Variants in SKA2 observed in about 807,000 individuals in gnomAD.
SKA2 encodes the protein spindle and kinetochore associated complex subunit 2.
A neutral mutation model predicts 16.9 loss-of-function variants in SKA2; 13 were observed. That is an observed-to-expected ratio of 0.77 (90% CI 0.50 to 1.22). The LOEUF (loss-of-function observed/expected upper bound fraction) is 1.22. Ranked by LOEUF, SKA2 falls within the 50% of genes most tolerant of loss-of-function variation. The pLI is 0.00. For missense variants in SKA2, 107 were observed against 139.7 expected, an observed-to-expected ratio of 0.77 and a Z score of 1.18; for synonymous variants, 47 against 48.5, an observed-to-expected ratio of 0.97 and a Z score of 0.13.
At chr17:59,134,839 C>T (rs1359636496) in intron 1 of SKA2, among the ~76,000 whole-genome samples, 1 of 151,746 alleles carries the variant, frequency 6.6e-6, no homozygotes, top group African/African-American at 2.4e-5. Flanking sequence ...ATATTTTTGT[C>T]ATTTATTTTT....
chr17:59,145,555 A>G (rs191919375), intron 1 of SKA2, among the ~76,000 whole-genome samples: 20 of 152,150 alleles, frequency 1.3e-4, no homozygotes, highest in Non-Finnish European at 2.2e-4. Flanking sequence ...CATAATATCT[A>G]GTATCTATTT....
In SKA2 at chr17:59,110,662, C is replaced by A. The variant is rs1475761523; in HGVS notation, c.*1615G>T. The A allele has an allele frequency of 7.2e-5, 11 of 151,902 alleles. No individual in the cohort carries two copies. Among genetic ancestry groups the A allele is most frequent in the Admixed American group, 2.0e-4 (3 of 15,206 alleles). 9.4% of individuals were successfully genotyped at this position (151,902 alleles called of 1,614,324 possible). On this transcript the variant is annotated 3_prime_UTR_variant, in exon 4 of 4. Transcript: ENST00000330137. ...AAAAATAGCCGGGCGTGGTGGCGGG[C>A]GCCTGTAATCCCAGCTACTCGGGAG...
intron 2 of SKA2, among the ~76,000 whole-genome samples, chr17:59,129,927 A>AGGAAGGAAGGAGAGAAAGAGGGAAGGAG (rs2046400072): frequency 7.5e-6 from 1 of 132,604 alleles, no homozygotes; most frequent in Non-Finnish European, 1.6e-5. Flanking sequence ...GAGGGAAGGA[A>AGGAAGGAAGGAGAGAAAGAGGGAAGGAG]GGAAGGAAGG....
At chr17:59,148,340 C>T (rs1234429674) in intron 1 of SKA2, among the ~76,000 whole-genome samples, 1 of 152,082 alleles carries the variant, frequency 6.6e-6, no homozygotes, top group Non-Finnish European at 1.5e-5. Flanking sequence ...CTTTGGAAGG[C>T]TGAGGCAGGA....
rs745609269 is a variant in SKA2 at position 59,119,374 on chromosome 17, G to A, written c.242C>T (p.Thr81Ile). 6.2e-7 allele frequency: 1 copy of A among 1,613,942 alleles called. No homozygotes were observed. Among genetic ancestry groups the A allele is most frequent in the Non-Finnish European group, 8.5e-7 (1 of 1,179,874 alleles). Residue 81 changes from threonine to isoleucine, a missense_variant, in exon 3 of 4, where the codon ACT (threonine) becomes ATT (isoleucine). Coordinates refer to ENST00000330137, the MANE Select transcript of SKA2 (RefSeq NM_182620.4). ...TATCATATTCATAGTCTTTTTCACA[G>A]TAGCACAAATGCGGCTCTTACTCTC... Reference protein sequence around the residue: ...QKESKSRICATVKKTMNMIQK... With the variant: ...QKESKSRICAIVKKTMNMIQK...
intron 1 of SKA2, among the ~76,000 whole-genome samples, chr17:59,149,429 C>G (rs1450149678): frequency 6.6e-6 from 1 of 152,022 alleles, no homozygotes; most frequent in East Asian, 1.9e-4. Context: ...TTGCTTGAGC[C>G]TAGGAGTTTG....
chr17:59,154,186 AAG>A (rs2046601610), intron 1 of SKA2, among the ~76,000 whole-genome samples: 1 of 150,960 alleles, frequency 6.6e-6, no homozygotes, highest in South Asian at 2.1e-4. Flanking sequence ...AAAAAAAAAA[AAG>A]AAAAGAAAAG....
Position 59,146,557 on chromosome 17 carries a change from A to G in SKA2, c.33+8574T>C, listed in dbSNP as rs1410309759. ...AAATATTGAACTCAAAGAATCAAGG[A>G]CTGATTCTAACTTTTAAAATGTTAT... On this transcript the variant is annotated intron_variant, in intron 1 of 3. Transcript: ENST00000330137. Among the ~76,000 whole-genome samples, 5 of 152,324 alleles carry G rather than the reference A, an allele frequency of 3.3e-5. 1 individual carries two copies. In the East Asian group the frequency reaches 9.6e-4, roughly 29 times the overall value.
intron 2 of SKA2, among the ~76,000 whole-genome samples, chr17:59,120,642 A>G (rs879527753): frequency 3.9e-5 from 6 of 152,146 alleles, no homozygotes; most frequent in Admixed American, 3.9e-4. Context: ...CATAACTGTA[A>G]ATTTTCGCAG....
intron 2 of SKA2, chr17:59,129,498 A>C (rs2046395948): frequency 6.6e-6 from 1 of 152,028 alleles, no homozygotes; most frequent in Non-Finnish European, 1.5e-5. Context: ...AAAGGAAGGA[A>C]GGGAAGGCAG....
rs2046267851 is a variant in SKA2 at position 59,112,179 on chromosome 17, C to T, written c.*98G>A. ...TTGAAGCCAAACCCCCTTCACCAGC[C>T]CCCAATCTCTAGACATCAAGGGTTA... is the stretch of plus-strand genomic sequence containing the variant. On this transcript the variant is annotated 3_prime_UTR_variant, in exon 4 of 4. Transcript: ENST00000330137. 1 of 922,152 alleles carries T rather than the reference C, an allele frequency of 1.1e-6. No individual in the cohort carries two copies. Among genetic ancestry groups the T allele is most frequent in the Non-Finnish European group, 1.7e-6 (1 of 590,096 alleles). The allele number at this position is 922,152 out of a possible 1,614,324, so 57.1% of individuals were successfully genotyped here.
At chr17:59,146,910 A>G (rs569426115) in intron 1 of SKA2, among the ~76,000 whole-genome samples, 3 of 152,158 alleles carry the variant, frequency 2.0e-5, no homozygotes, top group Non-Finnish European at 4.4e-5. Context: ...AGCTCAAGCA[A>G]TCCTCTGTCT....
chr17:59,112,505 T>C (rs2046270000), intron 3 of SKA2, among the ~76,000 whole-genome samples, 160 bp from the exon 4 acceptor site: 1 of 152,266 alleles, frequency 6.6e-6, no homozygotes, highest in African/African-American at 2.4e-5. Flanking sequence ...GATACTTGGC[T>C]ATTTATATAC....
At chr17:59,134,145 T>C (rs1468022072) in intron 1 of SKA2, among the ~76,000 whole-genome samples, 1 of 152,206 alleles carries the variant, frequency 6.6e-6, no homozygotes, top group Admixed American at 6.6e-5. Flanking sequence ...TTAGGGATTA[T>C]CTTTTCCTAT....
chr17:59,119,030 G>A (rs2046314948), intron 3 of SKA2, among the ~76,000 whole-genome samples: 1 of 152,102 alleles, frequency 6.6e-6, no homozygotes, highest in African/African-American at 2.4e-5. Context: ...AGTCTCACTA[G>A]TACTTACAGG....
chr17:59,116,821 T>TC (rs2046299643), intron 3 of SKA2, among the ~76,000 whole-genome samples: 2 of 136,456 alleles, frequency 1.5e-5, no homozygotes, highest in African/African-American at 5.7e-5. Context: ...TTTTTTTTTT[T>TC]TTTTTTTTTT....
intron 2 of SKA2, among the ~76,000 whole-genome samples, chr17:59,130,715 G>C (rs1425134743): frequency 1.3e-5 from 2 of 151,892 alleles, no homozygotes; most frequent in African/African-American, 2.4e-5. Context: ...TGATTTTAGT[G>C]TTAATGTTAA....
intron 1 of SKA2, among the ~76,000 whole-genome samples, chr17:59,139,835 T>C (rs1424513651): frequency 1.3e-5 from 2 of 152,148 alleles, no homozygotes; most frequent in Non-Finnish European, 2.9e-5. Context: ...CTTTTTTGTA[T>C]CCTTAGTTTT....
chr17:59,127,359 A>C (rs769682185), intron 2 of SKA2, among the ~76,000 whole-genome samples: 7 of 152,072 alleles, frequency 4.6e-5, no homozygotes, highest in Non-Finnish European at 1.0e-4. Context: ...TAAAATGGTA[A>C]ATGTTGTTAT....
Sources: allele counts gnomAD v4.1 joint callset (sites outside exome capture counted in the v4.1 genomes callset), GRCh38; gene constraint gnomAD v4.1.1; transcripts MANE v1.5; gene names NCBI Gene and HGNC (gene_info 2026-07-23, HGNC 2026-07-21).